The following PLPPR1 variants were observed in gnomAD, a reference collection of about 807,000 sequenced individuals.
PLPPR1 encodes the protein phospholipid phosphatase related 1, also known as phospholipid phosphatase-related protein type 1.
A neutral mutation model predicts 33.1 loss-of-function variants in PLPPR1; 10 were observed. The ratio of observed to expected loss-of-function variants is 0.30; its 90% CI spans 0.19 to 0.51. PLPPR1 has a LOEUF of 0.51. PLPPR1 is among the 20% of genes least tolerant of loss of function. PLPPR1 has a pLI of 0.97. For missense variants in PLPPR1, 304 were observed against 408.1 expected, an observed-to-expected ratio of 0.74 and a Z score of 2.20; for synonymous variants, 151 against 151.0, an observed-to-expected ratio of 1.00 and a Z score of 0.00.
rs1418210123 is a variant in PLPPR1, at chr9:101,099,049, C to A, written c.-46+69947C>A. On this transcript the variant is annotated intron_variant, in intron 1 of 7. Transcript: ENST00000374874. Reference sequence around the variant, plus strand: ...TTTGACTCTCGGAAAGTCACTCAATCCCTCTAAACCTCAATTTTCTATAAA... The same window carrying A: ...TTTGACTCTCGGAAAGTCACTCAATACCTCTAAACCTCAATTTTCTATAAA... Among the ~76,000 whole-genome samples the A allele has an allele frequency of 4.6e-5, 7 of 151,334 alleles. No individual in the cohort carries two copies. The East Asian group carries it at 1.4e-3, about 29-fold the overall frequency.
chr9:101,230,418 TC>T (rs1827157936), intron 2 of PLPPR1, among the ~76,000 whole-genome samples: 1 of 152,086 alleles, frequency 6.6e-6, no homozygotes, highest in Non-Finnish European at 1.5e-5. Context: ...CAGTTGTTCT[TC>T]CCCTGGGATG....
At chr9:101,196,434 G>T (rs140615155) in intron 2 of PLPPR1, among the ~76,000 whole-genome samples, 238 of 152,246 alleles carry the variant, frequency 1.6e-3, no homozygotes, top group African/African-American at 5.5e-3. Flanking sequence ...GAATATGACA[G>T]ATTTTACTGC....
intron 4 of PLPPR1, among the ~76,000 whole-genome samples, chr9:101,291,295 C>A (rs1588113314): frequency 6.6e-6 from 1 of 152,258 alleles, no homozygotes; most frequent in Admixed American, 6.5e-5. Context: ...GAAGCTCGAA[C>A]TGGGTGGAGC....
At chr9:101,221,317 T>A (rs748007677) in intron 2 of PLPPR1, among the ~76,000 whole-genome samples, 1 of 152,178 alleles carries the variant, frequency 6.6e-6, no homozygotes, top group Non-Finnish European at 1.5e-5. Flanking sequence ...TTGCTTGACA[T>A]TGCTGGAAAC....
chr9:101,088,373 A>G (rs1830703328), intron 1 of PLPPR1, among the ~76,000 whole-genome samples: 1 of 152,092 alleles, frequency 6.6e-6, no homozygotes, highest in Non-Finnish European at 1.5e-5. Flanking sequence ...CCTTAAATGT[A>G]TAAAATTAAA....
chr9:101,081,315 G>A (rs541244571), intron 1 of PLPPR1, among the ~76,000 whole-genome samples: 2 of 151,956 alleles, frequency 1.3e-5, no homozygotes, highest in African/African-American at 4.8e-5. Context: ...TCCCTCCCAG[G>A]TTCAAGCAAT....
chr9:101,310,648 TA>T (rs1275427425), intron 5 of PLPPR1, among the ~76,000 whole-genome samples: 7 of 152,252 alleles, frequency 4.6e-5, no homozygotes, highest in African/African-American at 1.4e-4. Flanking sequence ...AATGATTCTT[TA>T]ATTTGTCACA....
chr9:101,116,709 G>A (rs1412809957), intron 1 of PLPPR1, among the ~76,000 whole-genome samples: 1 of 151,728 alleles, frequency 6.6e-6, no homozygotes, highest in African/African-American at 2.4e-5. Flanking sequence ...TACTCAGGAG[G>A]CTGAGACAAG....
At chr9:101,087,522 C>G (rs898608868) in intron 1 of PLPPR1, among the ~76,000 whole-genome samples, 1 of 152,176 alleles carries the variant, frequency 6.6e-6, no homozygotes, top group African/African-American at 2.4e-5. Context: ...AAATACTTGG[C>G]TTGCTGTGGG....
At chr9:101,231,532 T>C (rs1052458447) in intron 2 of PLPPR1, among the ~76,000 whole-genome samples, 14 of 152,052 alleles carry the variant, frequency 9.2e-5, no homozygotes, top group African/African-American at 3.1e-4. Flanking sequence ...TATGTGATTA[T>C]CCTATTGATT....
intron 2 of PLPPR1, among the ~76,000 whole-genome samples, chr9:101,243,093 G>T (rs1241296967): frequency 6.6e-6 from 1 of 151,974 alleles, no homozygotes; most frequent in Non-Finnish European, 1.5e-5. Context: ...AGGCACAGAG[G>T]TATAACAAAG....
chr9:101,111,432 A>C (rs1262222137), intron 1 of PLPPR1, among the ~76,000 whole-genome samples: 2 of 152,192 alleles, frequency 1.3e-5, no homozygotes, highest in Non-Finnish European at 2.9e-5. Flanking sequence ...TAACTGATGC[A>C]TTCATAAGAC....
At chr9:101,161,304 A>G (rs1285457341) in intron 1 of PLPPR1, among the ~76,000 whole-genome samples, 3 of 152,180 alleles carry the variant, frequency 2.0e-5, no homozygotes, top group Non-Finnish European at 4.4e-5. Context: ...ATGGACACAC[A>G]TTAAGTTGAG....
At chr9:101,236,834 A>T (rs898744157) in intron 2 of PLPPR1, among the ~76,000 whole-genome samples, 1 of 151,880 alleles carries the variant, frequency 6.6e-6, no homozygotes, top group South Asian at 2.1e-4. Flanking sequence ...CCAAAAACAG[A>T]CAAATAGGAC....
At chr9:101,140,088 G>C (rs1242468245) in intron 1 of PLPPR1, among the ~76,000 whole-genome samples, 1 of 152,188 alleles carries the variant, frequency 6.6e-6, no homozygotes, top group Non-Finnish European at 1.5e-5. Context: ...GAGAGGGATA[G>C]TATGAGTACA....
At chr9:101,074,186 T>C (rs1246999009) in intron 1 of PLPPR1, among the ~76,000 whole-genome samples, 4 of 152,176 alleles carry the variant, frequency 2.6e-5, no homozygotes, top group African/African-American at 9.7e-5. Flanking sequence ...ATCAATAACA[T>C]GCAATACATT....
chr9:101,193,705 ACC>A (rs1162987922), intron 2 of PLPPR1, among the ~76,000 whole-genome samples: 9 of 152,212 alleles, frequency 5.9e-5, no homozygotes, highest in Non-Finnish European at 1.2e-4. Context: ...GATAATATTG[ACC>A]CTATGCAATA....
intron 4 of PLPPR1, among the ~76,000 whole-genome samples, chr9:101,294,605 T>C (rs2118930023): frequency 6.6e-6 from 1 of 152,180 alleles, no homozygotes; most frequent in African/African-American, 2.4e-5. Context: ...TTATCCACCA[T>C]GATCAAGTGG....
At chr9:101,053,322 C>A (rs1830246160) in intron 1 of PLPPR1, among the ~76,000 whole-genome samples, 1 of 152,136 alleles carries the variant, frequency 6.6e-6, no homozygotes, top group African/African-American at 2.4e-5. Context: ...CTAAAGGTCT[C>A]TCATATTGAT....
Sources: allele counts gnomAD v4.1 joint callset (sites outside exome capture counted in the v4.1 genomes callset), GRCh38; gene constraint gnomAD v4.1.1; transcripts MANE v1.5; gene names NCBI Gene and HGNC (gene_info 2026-07-23, HGNC 2026-07-21).